CNBD1: variants seen among roughly 807,000 people sequenced by gnomAD.
The protein encoded by CNBD1 is cyclic nucleotide binding domain containing 1.
Under a neutral mutation model 54.4 loss-of-function variants are expected in CNBD1, and 71 were observed. The ratio of observed to expected loss-of-function variants is 1.30; its 90% CI spans 1.08 to 1.59. CNBD1 has a LOEUF of 1.59. Among genes scored for constraint, CNBD1 ranks in the 40% most tolerant of loss-of-function variants. The pLI is 0.00. For synonymous variants in CNBD1, 182 were observed against 170.7 expected, an observed-to-expected ratio of 1.07 and a Z score of -0.51; for missense variants, 659 against 518.0, an observed-to-expected ratio of 1.27 and a Z score of -2.64.
chr8:87,245,472 C>T (rs1807783804), intron 6 of CNBD1, among the ~76,000 whole-genome samples: 1 of 19,894 alleles, frequency 5.0e-5, no homozygotes, highest in Non-Finnish European at 1.1e-4. Flanking sequence ...TTCTTTACAT[C>T]TTCCCATTTT....
intron 8 of CNBD1, among the ~76,000 whole-genome samples, chr8:87,305,372 C>T (rs1429768198): frequency 6.6e-6 from 1 of 152,024 alleles, no homozygotes; most frequent in African/African-American, 2.4e-5. Flanking sequence ...CATCAAAATA[C>T]CACCATCATT....
intron 8 of CNBD1, among the ~76,000 whole-genome samples, chr8:87,314,512 C>T (rs921906368): frequency 2.0e-5 from 3 of 151,772 alleles, no homozygotes; most frequent in Non-Finnish European, 4.4e-5. Flanking sequence ...TACATTCTTA[C>T]AGTAAACACC....
chr8:87,294,398 G>T (rs1047922615), intron 8 of CNBD1, among the ~76,000 whole-genome samples: 2 of 152,140 alleles, frequency 1.3e-5, no homozygotes, highest in African/African-American at 4.8e-5. Context: ...GTGGATGTCA[G>T]TTTAAACACA....
At chr8:87,122,894 AC>A (rs1305833218) in intron 4 of CNBD1, among the ~76,000 whole-genome samples, 1 of 151,786 alleles carries the variant, frequency 6.6e-6, no homozygotes, top group East Asian at 1.9e-4. Context: ...TTCTAGGCTC[AC>A]TGTCCTATTT....
At chr8:87,322,953 C>T (rs1302786187) in intron 8 of CNBD1, among the ~76,000 whole-genome samples, 1 of 88,476 alleles carries the variant, frequency 1.1e-5, no homozygotes, top group African/African-American at 4.5e-5. Context: ...ACGTTTAAAT[C>T]TTTAATCCAT....
Position 87,296,483 on chromosome 8 carries a change from T to C in CNBD1, c.1042+9812T>C, listed in dbSNP as rs535900255. ...CAGGTCATTAGTGTGTAAAAGTAAATAAGGCCAAAGGGTTTCTTTGTGAAT... is the reference window on the plus strand; with the variant it reads ...CAGGTCATTAGTGTGTAAAAGTAAACAAGGCCAAAGGGTTTCTTTGTGAAT... On this transcript the variant is annotated intron_variant, in intron 8 of 10. Coordinates refer to ENST00000518476, the MANE Select transcript of CNBD1 (RefSeq NM_173538.3). Among the ~76,000 whole-genome samples the C allele has an allele frequency of 5.3e-5, 8 of 152,194 alleles. No homozygotes were observed. The South Asian group carries it at 1.7e-3, about 32-fold the overall frequency.
intron 4 of CNBD1, among the ~76,000 whole-genome samples, chr8:86,960,207 A>T (rs1204741555): frequency 6.6e-6 from 1 of 152,186 alleles, no homozygotes; most frequent in Non-Finnish European, 1.5e-5. Context: ...CAGGAAGCAC[A>T]AGGGGTCAGG....
At chr8:87,244,565 T>G (rs1025519386) in intron 6 of CNBD1, among the ~76,000 whole-genome samples, 45 of 152,156 alleles carry the variant, frequency 3.0e-4, no homozygotes, top group Admixed American at 2.0e-4. Context: ...CCCTTTTAAG[T>G]AACTGTATTT....
At chr8:86,979,458 C>CA (rs1382159328) in intron 4 of CNBD1, among the ~76,000 whole-genome samples, 1 of 146,870 alleles carries the variant, frequency 6.8e-6, no homozygotes, top group Non-Finnish European at 1.5e-5. Flanking sequence ...GCCATGGTGG[C>CA]ACTCACCAGT....
At chr8:87,179,668 G>T (rs1466958275) in intron 4 of CNBD1, among the ~76,000 whole-genome samples, 3 of 152,188 alleles carry the variant, frequency 2.0e-5, no homozygotes, top group Non-Finnish European at 2.9e-5. Flanking sequence ...TAAAGTTTAA[G>T]AGAAGAAACA....
At chr8:86,991,808 G>A (rs561319521) in intron 4 of CNBD1, among the ~76,000 whole-genome samples, 1 of 152,156 alleles carries the variant, frequency 6.6e-6, no homozygotes, top group East Asian at 1.9e-4. Flanking sequence ...CAAGTTCCAT[G>A]TATTTGTGTA....
intron 4 of CNBD1, among the ~76,000 whole-genome samples, chr8:86,973,968 AAATAAAAATTTAATCTTCT>A (rs1434632206): frequency 1.3e-5 from 2 of 152,170 alleles, no homozygotes; most frequent in Admixed American, 6.6e-5. Flanking sequence ...ACTATTGTAC[AAATAAAAATTTAATCTTCT>A]AATAAAAATT....
intron 3 of CNBD1, among the ~76,000 whole-genome samples, chr8:86,928,064 A>G (rs1202268023): frequency 6.6e-6 from 1 of 152,032 alleles, no homozygotes; most frequent in Non-Finnish European, 1.5e-5. Flanking sequence ...TAATCCATAG[A>G]TGGGGAGGTA....
chr8:87,320,795 G>A (rs911077915), intron 8 of CNBD1, among the ~76,000 whole-genome samples: 1 of 151,990 alleles, frequency 6.6e-6, no homozygotes, highest in South Asian at 2.1e-4. Context: ...TCACAATGTT[G>A]CTCAGCATAT....
chr8:86,900,631 C>G (rs1031711500), intron 2 of CNBD1, among the ~76,000 whole-genome samples: 1 of 152,006 alleles, frequency 6.6e-6, no homozygotes, highest in Non-Finnish European at 1.5e-5. Context: ...TTTATTATTT[C>G]TAGCTACTAT....
intron 5 of CNBD1, among the ~76,000 whole-genome samples, chr8:87,229,925 G>A (rs1051324729): frequency 7.2e-5 from 11 of 151,936 alleles, no homozygotes; most frequent in Admixed American, 2.0e-4. Flanking sequence ...CCGTTTTCAC[G>A]CTGCTGTAAA....
At chr8:87,321,119 C>T (rs1392618449) in intron 8 of CNBD1, among the ~76,000 whole-genome samples, 1 of 145,234 alleles carries the variant, frequency 6.9e-6, no homozygotes, top group African/African-American at 2.5e-5. Flanking sequence ...CACCACCTGG[C>T]CATTGTGAAT....
rs1451716151 is a variant in CNBD1, at chr8:87,236,971, A to G, written c.630A>G (p.Gln210=). The change falls in exon 6 of 11, where the codon CAA becomes CAG. Residue 210 remains glutamine (Q), a synonymous_variant. Coordinates refer to ENST00000518476, the MANE Select transcript of CNBD1 (RefSeq NM_173538.3). ...YVILKGLARP[Q]TNVYKNLIEG... is the part of the protein sequence containing the mutation. ...TACTGAAAGGCCTAGCTCGACCTCA[A>G]ACAAACGTGTATAAAAATCTGATTG... The G allele has an allele frequency of 6.2e-7, 1 of 1,612,484 alleles. No individual in the cohort carries two copies. Among genetic ancestry groups the G allele is most frequent in the Non-Finnish European group, 8.5e-7 (1 of 1,178,960 alleles).
In CNBD1 at chr8:87,209,172, G is replaced by A. The variant is rs566234545; in HGVS notation, c.577+3034G>A. ...TCCAAGAGAAACCCAGGAAAGGAAG[G>A]CTTCACTGCTGAATTTTACCAAATA... On this transcript the variant is annotated intron_variant, in intron 5 of 10. Coordinates refer to ENST00000518476, the MANE Select transcript of CNBD1 (RefSeq NM_173538.3). 1.9e-3 allele frequency among the ~76,000 whole-genome samples: 282 copies of A among 152,038 alleles called. 7 individuals carry two copies. In the South Asian group the frequency reaches 0.021, roughly 11 times the overall value.
Sources: allele counts gnomAD v4.1 joint callset (sites outside exome capture counted in the v4.1 genomes callset), GRCh38; gene constraint gnomAD v4.1.1; transcripts MANE v1.5; gene names NCBI Gene and HGNC (gene_info 2026-07-23, HGNC 2026-07-21).